NCAM1: variants seen among roughly 807,000 people sequenced by gnomAD.
The protein encoded by NCAM1 is neural cell adhesion molecule 1, also known as antigen recognized by monoclonal antibody 5.1H11.
A neutral mutation model predicts 109.8 loss-of-function variants in NCAM1; 14 were observed. The ratio of observed to expected loss-of-function variants is 0.13; its 90% CI spans 0.08 to 0.20. The LOEUF is 0.20. NCAM1 is among the 10% of genes least tolerant of loss of function. NCAM1 has a pLI of 1.00. For missense variants in NCAM1, 774 were observed against 1,109.9 expected (o/e 0.70, Z 4.30); for synonymous variants, 418 against 442.9 (o/e 0.94, Z 0.70).
chr11:113,222,764 T>C (rs1944724533), intron 9 of NCAM1, among the ~76,000 whole-genome samples: 1 of 152,136 alleles, frequency 6.6e-6, no homozygotes, highest in Non-Finnish European at 1.5e-5. Flanking sequence ...GTTAAGAGAA[T>C]TATTATTGTA....
chr11:113,009,319 T>TGTTGTTTTTTTTTTG (rs60538832), intron 1 of NCAM1, among the ~76,000 whole-genome samples: 1 of 92,358 alleles, frequency 1.1e-5, no homozygotes, highest in African/African-American at 3.5e-5. Context: ...CGGGTTTTTT[T>TGTTGTTTTTTTTTTG]TTTTTTTTTT....
intron 1 of NCAM1, among the ~76,000 whole-genome samples, chr11:113,099,554 T>C (rs1384331585): frequency 6.6e-6 from 1 of 152,134 alleles, no homozygotes; most frequent in Non-Finnish European, 1.5e-5. Flanking sequence ...ACCAGAAGCA[T>C]GAAAGGAGCT....
intron 1 of NCAM1, among the ~76,000 whole-genome samples, chr11:113,195,897 T>C (rs1234979005): frequency 7.2e-6 from 1 of 139,086 alleles, no homozygotes. Flanking sequence ...TTGGGAATTT[T>C]GTTTGTTTGC....
intron 1 of NCAM1, among the ~76,000 whole-genome samples, chr11:112,973,963 G>C (rs889777057): frequency 6.6e-6 from 1 of 151,928 alleles, no homozygotes; most frequent in African/African-American, 2.4e-5. Flanking sequence ...ATTAAAAGTG[G>C]TTTATCTAGA....
At chr11:113,130,319 A>G (rs1941339560) in intron 1 of NCAM1, among the ~76,000 whole-genome samples, 1 of 152,232 alleles carries the variant, frequency 6.6e-6, no homozygotes, top group African/African-American at 2.4e-5. Flanking sequence ...TTTATTGTGC[A>G]TCTTCTATGT....
chr11:113,171,252 T>A (rs1942980286), intron 1 of NCAM1, among the ~76,000 whole-genome samples: 1 of 152,212 alleles, frequency 6.6e-6, no homozygotes, highest in Non-Finnish European at 1.5e-5. Flanking sequence ...GAGCCAGAAT[T>A]TGAACCCAGA....
intron 1 of NCAM1, among the ~76,000 whole-genome samples, chr11:113,016,359 G>C (rs1952204838): frequency 1.3e-5 from 2 of 152,146 alleles, no homozygotes; most frequent in Admixed American, 1.3e-4. Flanking sequence ...CTGAAATTTT[G>C]AATTTTGGTC....
chr11:113,076,479 A>G (rs1270255601), intron 1 of NCAM1, among the ~76,000 whole-genome samples: 2 of 152,192 alleles, frequency 1.3e-5, no homozygotes, highest in Non-Finnish European at 2.9e-5. Context: ...AGAGGAAATG[A>G]TATCCTCATT....
At chr11:112,993,454 T>C (rs1951516735) in intron 1 of NCAM1, among the ~76,000 whole-genome samples, 1 of 152,200 alleles carries the variant, frequency 6.6e-6, no homozygotes, top group Non-Finnish European at 1.5e-5. Context: ...CATTGGGGAA[T>C]ATAATTCAAC....
chr11:113,095,738 G>A (rs1404096479), intron 1 of NCAM1, among the ~76,000 whole-genome samples: 3 of 152,174 alleles, frequency 2.0e-5, no homozygotes, highest in African/African-American at 7.2e-5. Flanking sequence ...GGGTCTTAAG[G>A]AGGCTAAATT....
chr11:113,060,546 C>A lies in NCAM1; in HGVS notation c.52+98882C>A, dbSNP rs189041821. 3.9e-5 allele frequency among the ~76,000 whole-genome samples: 6 copies of A among 152,212 alleles called. No individual in the cohort carries two copies. In the East Asian group the frequency reaches 1.2e-3, roughly 29 times the overall value. On this transcript the variant is annotated intron_variant, in intron 1 of 19. Transcript: ENST00000316851. The stretch of plus-strand genomic sequence containing the variant: ...CTTTGAAGTTGGTTTAGAAAGATTG[C>A]CCCTTCTATGAATGCATAAAAATAG...
At chr11:113,063,573 C>G (rs1555083754) in intron 1 of NCAM1, among the ~76,000 whole-genome samples, 1 of 152,178 alleles carries the variant, frequency 6.6e-6, no homozygotes, top group Non-Finnish European at 1.5e-5. Flanking sequence ...TCAAGATGCC[C>G]AGTTCTCATG....
chr11:113,242,391 G>A (rs548748913), intron 14 of NCAM1, among the ~76,000 whole-genome samples: 6 of 152,246 alleles, frequency 3.9e-5, no homozygotes, highest in South Asian at 4.2e-4. Flanking sequence ...AGGGCCAGGC[G>A]GGTGGATTGC....
chr11:113,086,307 AC>A (rs1555088295), intron 1 of NCAM1, among the ~76,000 whole-genome samples: 1 of 152,210 alleles, frequency 6.6e-6, no homozygotes, highest in African/African-American at 2.4e-5. Context: ...TCCAGAACTG[AC>A]AAAGTAGGGA....
At chr11:113,188,833 G>A (rs951649104) in intron 1 of NCAM1, among the ~76,000 whole-genome samples, 24 of 151,332 alleles carry the variant, frequency 1.6e-4, no homozygotes, top group Admixed American at 4.6e-4. Context: ...GTGTGAGTGT[G>A]AGTGTGTGTG....
intron 1 of NCAM1, among the ~76,000 whole-genome samples, chr11:113,180,641 C>A (rs1325736188): frequency 6.6e-6 from 1 of 152,182 alleles, no homozygotes; most frequent in African/African-American, 2.4e-5. Context: ...TACTCTGAAG[C>A]AAAAACAGCA....
intron 1 of NCAM1, among the ~76,000 whole-genome samples, chr11:113,107,501 A>C (rs1283825742): frequency 6.6e-6 from 1 of 152,210 alleles, no homozygotes; most frequent in Non-Finnish European, 1.5e-5. Context: ...TACTTTATAA[A>C]GAAAAAGATT....
chr11:113,044,344 T>C (rs1953186461), intron 1 of NCAM1, among the ~76,000 whole-genome samples: 1 of 150,954 alleles, frequency 6.6e-6, no homozygotes, highest in African/African-American at 2.4e-5. Flanking sequence ...TGCTAATTCC[T>C]TCTGTGTGTG....
At chr11:112,988,493 T>G (rs999801940) in intron 1 of NCAM1, among the ~76,000 whole-genome samples, 1 of 152,138 alleles carries the variant, frequency 6.6e-6, no homozygotes, top group Admixed American at 6.5e-5. Context: ...CACTCTCAGT[T>G]TTTATTTGTC....
Sources: gnomAD v4.1 joint callset for allele counts (sites outside exome capture counted in the v4.1 genomes callset) on GRCh38, gnomAD v4.1.1 for gene constraint, MANE v1.5 for transcripts, NCBI Gene and HGNC (gene_info 2026-07-23, HGNC 2026-07-21) for gene names.